Variants in LRMDA observed in about 807,000 individuals in gnomAD.
The protein encoded by LRMDA is leucine-rich melanocyte differentiation-associated protein.
Under a neutral mutation model 29.8 loss-of-function variants are expected in LRMDA, and 18 were observed. The ratio of observed to expected loss-of-function variants is 0.60; its 90% confidence interval spans 0.42 to 0.90. The LOEUF (loss-of-function observed/expected upper bound fraction) is 0.90. Ranked by LOEUF, LRMDA falls within the 40% of genes least tolerant of loss-of-function variation. The pLI is 0.00. For missense variants in LRMDA, 273 were observed against 273.9 expected (o/e 1.00, Z 0.02); for synonymous variants, 125 against 109.4 (o/e 1.14, Z -0.89).
chr10:76,490,683 G>A (rs1044410433), intron 6 of LRMDA, among the ~76,000 whole-genome samples: 3 of 151,894 alleles, frequency 2.0e-5, no homozygotes, highest in Non-Finnish European at 4.4e-5. Flanking sequence ...TATAGGTGAA[G>A]TGTATTTCCT....
At chr10:76,466,226 C>T (rs983976114) in intron 6 of LRMDA, among the ~76,000 whole-genome samples, 8 of 152,168 alleles carry the variant, frequency 5.3e-5, no homozygotes, top group African/African-American at 1.9e-4. Context: ...AGGAGTCTTA[C>T]AGGACTGGTG....
At chr10:75,541,292 A>G (rs567270425) in intron 2 of LRMDA, among the ~76,000 whole-genome samples, 2 of 152,268 alleles carry the variant, frequency 1.3e-5, no homozygotes, top group Admixed American at 1.3e-4. Context: ...AAGCTCAAAT[A>G]TGAAATATAT....
At chr10:75,587,719 A>G (rs1840674061) in intron 2 of LRMDA, among the ~76,000 whole-genome samples, 2 of 152,230 alleles carry the variant, frequency 1.3e-5, no homozygotes, top group Admixed American at 1.3e-4. Context: ...ATTGGGATCC[A>G]AAGATACTGT....
At chr10:75,547,136 G>A (rs1387339224) in intron 2 of LRMDA, among the ~76,000 whole-genome samples, 1 of 152,148 alleles carries the variant, frequency 6.6e-6, no homozygotes. Flanking sequence ...CAAGGGAAGG[G>A]AGAAGAAGGA....
At chr10:75,966,817 T>A (rs1410158364) in intron 2 of LRMDA, among the ~76,000 whole-genome samples, 1 of 152,226 alleles carries the variant, frequency 6.6e-6, no homozygotes, top group East Asian at 1.9e-4. Context: ...AGGCTATGCT[T>A]ACCTTGTTTA....
rs570296979 is a variant in LRMDA at position 76,020,133 on chromosome 10, A to T, written c.132-15875A>T. Among the ~76,000 whole-genome samples the T allele has an allele frequency of 3.3e-5, 5 of 152,304 alleles. No individual in the cohort carries two copies. The South Asian group carries it at 1.0e-3, about 32-fold the overall frequency. ...GTGAGCTGAGGAAGGGCTGCTTGGC[A>T]GCTTTGCCTGAGGTGGGGTCTGACC... On this transcript the variant is annotated intron_variant, in intron 2 of 6. Coordinates refer to ENST00000611255, the MANE Select transcript of LRMDA (RefSeq NM_001305581.2).
intron 2 of LRMDA, among the ~76,000 whole-genome samples, chr10:75,488,788 A>C (rs1010722109): frequency 1.3e-5 from 2 of 152,258 alleles, no homozygotes; most frequent in African/African-American, 4.8e-5. Flanking sequence ...GCTGTGGCTG[A>C]GGGTGGGTAT....
rs1040604278 is a variant in LRMDA, at chr10:76,256,058, A to T, written c.517-68343A>T. Among the ~76,000 whole-genome samples the T allele has an allele frequency of 3.3e-5, 5 of 152,332 alleles. 1 individual carries two copies. Among genetic ancestry groups the T allele is most frequent in the Admixed American group, 6.5e-5 (1 of 15,302 alleles). On this transcript the variant is annotated intron_variant, in intron 5 of 6. Transcript: ENST00000611255. ...TCAAGAAAATCTGAGGCTTTTCCTG[A>T]ATCCTGAAAGAGGGAACTCACCTTA... is the stretch of plus-strand genomic sequence containing the variant.
intron 5 of LRMDA, among the ~76,000 whole-genome samples, chr10:76,157,215 T>A (rs1291831067): frequency 6.6e-6 from 1 of 152,178 alleles, no homozygotes; most frequent in Admixed American, 6.5e-5. Flanking sequence ...AGTTTCCACG[T>A]CAGGAAATAA....
chr10:76,280,721 T>C (rs1481401597), intron 5 of LRMDA, among the ~76,000 whole-genome samples: 3 of 152,092 alleles, frequency 2.0e-5, no homozygotes, highest in Non-Finnish European at 4.4e-5. Flanking sequence ...CATGGTACAG[T>C]AGTGTATCAA....
At position 75,588,209 on chromosome 10, in the gene LRMDA, G is replaced by T. The variant is rs150515275; in HGVS notation, c.131+149715G>T. ...ATATCAGAGGTGTGAAGTGAGAGAG[G>T]TTTGTTACAATATAGAACAGAGTGC... On this transcript the variant is annotated intron_variant, in intron 2 of 6. Transcript: ENST00000611255. Among the ~76,000 whole-genome samples the T allele has an allele frequency of 3.7e-4, 57 of 152,256 alleles. No homozygotes were observed. The East Asian group carries it at 0.011, about 28-fold the overall frequency.
chr10:76,534,968 T>C (rs1843275366), intron 6 of LRMDA, among the ~76,000 whole-genome samples: 1 of 152,204 alleles, frequency 6.6e-6, no homozygotes, highest in Admixed American at 6.5e-5. Flanking sequence ...TGTTTCTAAA[T>C]TTTGTCTGCT....
At chr10:75,448,404 C>T (rs1429078142) in intron 2 of LRMDA, among the ~76,000 whole-genome samples, 2 of 152,170 alleles carry the variant, frequency 1.3e-5, no homozygotes, top group African/African-American at 4.8e-5. Context: ...AGGACATTAT[C>T]GTGCATGTGA....
intron 5 of LRMDA, among the ~76,000 whole-genome samples, chr10:76,314,301 G>A (rs1840665083): frequency 6.6e-6 from 1 of 152,068 alleles, no homozygotes; most frequent in Non-Finnish European, 1.5e-5. Flanking sequence ...CCAACTCCTG[G>A]GCTCAAGTGA....
intron 6 of LRMDA, among the ~76,000 whole-genome samples, chr10:76,325,114 ATT>A (rs1175869048): frequency 6.6e-6 from 1 of 152,172 alleles, no homozygotes; most frequent in Non-Finnish European, 1.5e-5. Context: ...TGTTTTAAAT[ATT>A]GTTTCCCCAA....
chr10:75,941,720 C>T (rs1471327063), intron 2 of LRMDA, among the ~76,000 whole-genome samples: 2 of 152,130 alleles, frequency 1.3e-5, no homozygotes, highest in Non-Finnish European at 2.9e-5. Context: ...CCCAAAGCAG[C>T]CATGCAGACC....
At chr10:75,587,024 G>T (rs1035739214) in intron 2 of LRMDA, among the ~76,000 whole-genome samples, 1 of 151,992 alleles carries the variant, frequency 6.6e-6, no homozygotes, top group African/African-American at 2.4e-5. Context: ...CTGTGCTTTT[G>T]GTGTCATATC....
At chr10:75,915,120 CTTTTTTTTTTT>C (rs71024579) in intron 2 of LRMDA, among the ~76,000 whole-genome samples, 6 of 75,240 alleles carry the variant, frequency 8.0e-5, no homozygotes, top group Admixed American at 5.9e-4. Context: ...GTCTAACCTT[CTTTTTTTTTTT>C]TTTTTTTTTT....
At chr10:75,927,764 C>T (rs1056206105) in intron 2 of LRMDA, among the ~76,000 whole-genome samples, 1 of 152,118 alleles carries the variant, frequency 6.6e-6, no homozygotes, top group African/African-American at 2.4e-5. Flanking sequence ...TCAGGTCTGC[C>T]GACAATAAAG....
Sources: gnomAD v4.1 joint callset for allele counts (sites outside exome capture counted in the v4.1 genomes callset) on GRCh38, gnomAD v4.1.1 for gene constraint, MANE v1.5 for transcripts, NCBI Gene and HGNC (gene_info 2026-07-23, HGNC 2026-07-21) for gene names.